Variants in FMN2 observed in about 807,000 individuals in gnomAD.
The protein encoded by FMN2 is formin 2, also known as formin-2.
A neutral mutation model predicts 142.3 loss-of-function variants in FMN2; 51 were observed. That is an observed-to-expected ratio of 0.36 (90% CI 0.29 to 0.45). FMN2 has a LOEUF of 0.45. FMN2 is among the 20% of genes least tolerant of loss of function. The probability of loss-of-function intolerance (pLI) is 1.00; values close to 1 mark genes in which losing one functional copy is unlikely to be tolerated. For synonymous variants in FMN2, 882 were observed against 869.8 expected (o/e 1.01, Z -0.25); for missense variants, 1,936 against 2,122.8 (o/e 0.91, Z 1.73).
At chr1:240,413,477 C>T (rs1258645734) in intron 15 of FMN2, among the ~76,000 whole-genome samples, 1 of 152,148 alleles carries the variant, frequency 6.6e-6, no homozygotes, top group Non-Finnish European at 1.5e-5. Context: ...AGCTCAGCTT[C>T]TGCATCTTGA....
At chr1:240,437,071 G>C (rs1294266428) in intron 15 of FMN2, among the ~76,000 whole-genome samples, 3 of 152,122 alleles carry the variant, frequency 2.0e-5, no homozygotes, top group Non-Finnish European at 4.4e-5. Flanking sequence ...AGACTTTTGT[G>C]AAGTCAGAAA....
intron 4 of FMN2, among the ~76,000 whole-genome samples, chr1:240,202,959 A>C (rs73115004): frequency 0.027 from 4,103 of 152,300 alleles, 194 homozygotes; most frequent in African/African-American, 0.093. Flanking sequence ...ATATAATCAT[A>C]GTTCATGAAA....
At chr1:240,119,700 C>T (rs553179776) in intron 1 of FMN2, among the ~76,000 whole-genome samples, 1 of 152,274 alleles carries the variant, frequency 6.6e-6, no homozygotes, top group South Asian at 2.1e-4. Flanking sequence ...CATATGCTTT[C>T]ATGGAAGTAG....
intron 13 of FMN2, among the ~76,000 whole-genome samples, chr1:240,349,865 A>G (rs565987650): frequency 1.3e-5 from 2 of 152,178 alleles, no homozygotes; most frequent in African/African-American, 2.4e-5. Flanking sequence ...TTTGACTGCA[A>G]TGCAAGTTTT....
Position 240,466,206 on chromosome 1 carries a change from T to C in FMN2, c.5061-6166T>C, listed in dbSNP as rs536851984. On this transcript the variant is annotated intron_variant, in intron 16 of 17. Transcript: ENST00000319653. ...AAAGTATTTTTTATTCTCTCACATA[T>C]TCCTCTCTGATATTATAAAACTTAA... is the stretch of plus-strand genomic sequence containing the variant. 4.9e-4 allele frequency among the ~76,000 whole-genome samples: 74 copies of C among 152,324 alleles called. 1 individual carries two copies. In the Middle Eastern group the frequency reaches 0.02, roughly 42 times the overall value.
intron 2 of FMN2, chr1:240,170,207 C>T (rs1377122771): frequency 8.0e-6 from 10 of 1,254,446 alleles, no homozygotes; most frequent in African/African-American, 7.4e-5. Context: ...GCTGCAGTTG[C>T]CTGGGAGGCT....
intron 14 of FMN2, 43 bp downstream of exon 14, chr1:240,355,951 CAAAAAAAAAAAAAAAAAAAAAAAAA>C: frequency 6.4e-5 from 16 of 249,718 alleles, no homozygotes; most frequent in South Asian, 2.8e-4. Flanking sequence ...CCCCTTTCAG[CAAAAAAAAAAAAAAAAAAAAAAAAA>C]AAAAAAAAAA....
chr1:240,196,751 G>A (rs1665926206), intron 4 of FMN2, among the ~76,000 whole-genome samples: 1 of 152,092 alleles, frequency 6.6e-6, no homozygotes. Flanking sequence ...GACCTCAGGC[G>A]AACCGCCGGC....
rs539815028 is a variant in FMN2 at position 240,207,154 on chromosome 1, T to G, written c.2342T>G (p.Phe781Cys). Residue 781 changes from phenylalanine to cysteine, a missense_variant, in exon 5 of 18, where the codon TTC (phenylalanine) becomes TGC (cysteine). Phe to Cys is a radical substitution (Grantham distance 205). Transcript: ENST00000319653. ...GCTGAAAGTGGACCTCAGACAAAGTTCTGTTCAGAGATTTCTTTGATTGTG... is the reference window on the plus strand; with the variant it reads ...GCTGAAAGTGGACCTCAGACAAAGTGCTGTTCAGAGATTTCTTTGATTGTG... ...PGAESGPQTKFCSEISLIVSP... is the reference protein window; with the variant it reads ...PGAESGPQTKCCSEISLIVSP... 4.3e-6 allele frequency: 7 copies of G among 1,614,010 alleles called. No homozygotes were observed. The African/African-American group carries it at 9.3e-5, about 22-fold the overall frequency.
chr1:240,322,255 A>G (rs1471425732), intron 8 of FMN2, among the ~76,000 whole-genome samples: 1 of 152,204 alleles, frequency 6.6e-6, no homozygotes, highest in Non-Finnish European at 1.5e-5. Flanking sequence ...GTAATCCTCA[A>G]AAACTAAAGC....
chr1:240,388,837 G>A (rs929855566), intron 14 of FMN2, among the ~76,000 whole-genome samples: 6 of 146,912 alleles, frequency 4.1e-5, no homozygotes, highest in Non-Finnish European at 7.4e-5. Context: ...ACTCTATCCT[G>A]GGCAACAAGA....
chr1:240,453,626 G>A (rs1311405060), intron 16 of FMN2, among the ~76,000 whole-genome samples: 2 of 152,138 alleles, frequency 1.3e-5, no homozygotes, highest in Non-Finnish European at 2.9e-5. Flanking sequence ...GGAAGAGCTT[G>A]GAAAAGGAGG....
chr1:240,185,613 C>T (rs1383196486), intron 3 of FMN2, among the ~76,000 whole-genome samples: 1 of 152,210 alleles, frequency 6.6e-6, no homozygotes, highest in East Asian at 1.9e-4. Flanking sequence ...TGCACTTGTT[C>T]TTTACCATCA....
intron 2 of FMN2, among the ~76,000 whole-genome samples, chr1:240,166,218 C>T (rs556356872): frequency 4.6e-5 from 7 of 150,876 alleles, no homozygotes; most frequent in South Asian, 4.2e-4. Context: ...GCCATTAGCT[C>T]ATGTATTATT....
chr1:240,458,449 C>G (rs1256727480), intron 16 of FMN2: 2 of 152,102 alleles, frequency 1.3e-5, no homozygotes, highest in Non-Finnish European at 2.9e-5. Context: ...AGTTCTCCCG[C>G]CCCATAGCCT....
chr1:240,289,024 G>C (rs1669686583), intron 7 of FMN2, among the ~76,000 whole-genome samples: 1 of 152,186 alleles, frequency 6.6e-6, no homozygotes, highest in African/African-American at 2.4e-5. Context: ...CAGAACGTGT[G>C]AGATAATCCA....
At chr1:240,113,413 A>C (rs1661891359) in intron 1 of FMN2, among the ~76,000 whole-genome samples, 1 of 151,668 alleles carries the variant, frequency 6.6e-6, no homozygotes, top group Admixed American at 6.6e-5. Flanking sequence ...AAAATACAAA[A>C]ATTGGCCAGG....
intron 1 of FMN2, among the ~76,000 whole-genome samples, chr1:240,100,834 G>A (rs888513323): frequency 5.9e-5 from 9 of 152,118 alleles, no homozygotes; most frequent in Non-Finnish European, 1.3e-4. Context: ...TTGTTTTCAG[G>A]AGGAATGGAA....
At chr1:240,245,598 C>T (rs913588469) in intron 6 of FMN2, 7 of 470,976 alleles carry the variant, frequency 1.5e-5, no homozygotes, top group Admixed American at 4.7e-5. Context: ...GTTTTCCGTG[C>T]ATTTACCCTA....
Sources: gnomAD v4.1 joint callset for allele counts (sites outside exome capture counted in the v4.1 genomes callset) on GRCh38, gnomAD v4.1.1 for gene constraint, MANE v1.5 for transcripts, NCBI Gene and HGNC (gene_info 2026-07-23, HGNC 2026-07-21) for gene names.